ANKH: variants seen among roughly 807,000 people sequenced by gnomAD.
The protein encoded by ANKH is ANKH inorganic pyrophosphate transport regulator.
A neutral mutation model predicts 49.0 loss-of-function variants in ANKH; 15 were observed. The observed-to-expected ratio is 0.31, with a 90% CI of 0.20 to 0.47. ANKH has a LOEUF of 0.47. Among genes scored for constraint, ANKH ranks in the 20% least tolerant of loss-of-function variants. The pLI is 1.00. For synonymous variants in ANKH, 273 were observed against 260.0 expected, an observed-to-expected ratio of 1.05 and a Z score of -0.48; for missense variants, 429 against 652.0, an observed-to-expected ratio of 0.66 and a Z score of 3.72.
intron 1 of ANKH, among the ~76,000 whole-genome samples, chr5:14,804,235 G>C (rs953253568): frequency 3.3e-5 from 5 of 152,334 alleles, no homozygotes; most frequent in Admixed American, 3.3e-4. Context: ...CGGAGGCAGA[G>C]AGAATTTCAT....
At chr5:14,860,945 G>A (rs1735470449) in intron 1 of ANKH, among the ~76,000 whole-genome samples, 1 of 151,886 alleles carries the variant, frequency 6.6e-6, no homozygotes, top group Non-Finnish European at 1.5e-5. Flanking sequence ...ACCACACCCG[G>A]CTAATTTTTG....
intron 8 of ANKH, among the ~76,000 whole-genome samples, chr5:14,730,814 C>T (rs753741983): frequency 4.6e-5 from 7 of 152,172 alleles, no homozygotes; most frequent in African/African-American, 7.2e-5. Flanking sequence ...TTGCCAGCTG[C>T]GCCTTCCAAG....
chr5:14,816,395 AT>A (rs201436529), intron 1 of ANKH, among the ~76,000 whole-genome samples: 5 of 151,668 alleles, frequency 3.3e-5, no homozygotes, highest in African/African-American at 1.2e-4. Flanking sequence ...TGTGTGGATG[AT>A]TTTTTTTTCC....
intron 3 of ANKH, among the ~76,000 whole-genome samples, chr5:14,757,430 A>ATTTTTT (rs1243593041): frequency 1.8e-5 from 2 of 113,818 alleles, no homozygotes; most frequent in East Asian, 2.5e-4. Context: ...ATATATATAT[A>ATTTTTT]TTTTTTTTTT....
chr5:14,810,716 CCT>C (rs1199575075), intron 1 of ANKH, among the ~76,000 whole-genome samples: 1 of 152,102 alleles, frequency 6.6e-6, no homozygotes, highest in Non-Finnish European at 1.5e-5. Context: ...CCTTCTGTCC[CCT>C]GAGAAGCCAC....
At chr5:14,826,893 C>CT (rs765984210) in intron 1 of ANKH, among the ~76,000 whole-genome samples, 1 of 152,208 alleles carries the variant, frequency 6.6e-6, no homozygotes, top group Non-Finnish European at 1.5e-5. Context: ...CCACGTCCCT[C>CT]TGCAGTTAGG....
chr5:14,708,441 A>G lies in ANKH; in HGVS notation c.*2756T>C, dbSNP rs1015407862. 1.3e-5 allele frequency: 2 copies of G among 152,158 alleles called. No homozygotes were observed. The highest frequency in any genetic ancestry group is 4.8e-5 in the African/African-American group (2 of 41,424). The allele number at this position is 152,158 out of a possible 1,614,324, so 9.4% of individuals were successfully genotyped here. ...TGCAGCTGTCAGCTGAATGCCCTAC[A>G]ATGAAAAATAAATGTTTTGGGGGAA... On this transcript the variant is annotated 3_prime_UTR_variant, in exon 12 of 12. Coordinates refer to ENST00000284268, the MANE Select transcript of ANKH (RefSeq NM_054027.6).
intron 1 of ANKH, among the ~76,000 whole-genome samples, chr5:14,866,995 A>G (rs1243927568): frequency 6.6e-6 from 1 of 152,012 alleles, no homozygotes; most frequent in Non-Finnish European, 1.5e-5. Context: ...CGTCTCTACA[A>G]AATATACAAA....
chr5:14,797,188 C>A, intron 1 of ANKH: 2 of 1,336,052 alleles, frequency 1.5e-6, no homozygotes, highest in East Asian at 2.4e-5. Flanking sequence ...ATGTTCTCTG[C>A]CATTTGCCAC....
chr5:14,800,679 T>C (rs537955982), intron 1 of ANKH, among the ~76,000 whole-genome samples: 11 of 152,294 alleles, frequency 7.2e-5, no homozygotes, highest in Admixed American at 2.0e-4. Context: ...TCCTAATACA[T>C]TGCACACTTA....
At chr5:14,774,749 C>T (rs1739557526) in intron 1 of ANKH, among the ~76,000 whole-genome samples, 1 of 152,144 alleles carries the variant, frequency 6.6e-6, no homozygotes, top group Non-Finnish European at 1.5e-5. Context: ...CCTGACTGCC[C>T]TACCTGAATG....
At position 14,742,147 on chromosome 5, in the gene ANKH, A is replaced by T. The variant is rs189879805; in HGVS notation, c.916-225T>A. Among the ~76,000 whole-genome samples, 310 of 152,266 alleles carry T rather than the reference A, an allele frequency of 2.0e-3. 8 individuals are homozygous for T. The highest frequency in any genetic ancestry group is 0.02 in the Admixed American group (305 of 15,284). On this transcript the variant is annotated intron_variant, in intron 7 of 11. Transcript: ENST00000284268. ...GTGAATTCTCGACTCAATGCCCTGCAGCTCTTCCAACTCAGTCACCTCCCC... is the reference window on the plus strand; with the variant it reads ...GTGAATTCTCGACTCAATGCCCTGCTGCTCTTCCAACTCAGTCACCTCCCC...
intron 1 of ANKH, among the ~76,000 whole-genome samples, chr5:14,795,053 C>T (rs1740330816): frequency 6.6e-6 from 1 of 152,188 alleles, no homozygotes; most frequent in African/African-American, 2.4e-5. Flanking sequence ...CAAGTCTGGT[C>T]CAACGTGCAT....
chr5:14,721,660 G>T (rs558123434), intron 8 of ANKH, among the ~76,000 whole-genome samples: 11 of 152,162 alleles, frequency 7.2e-5, no homozygotes, highest in Admixed American at 1.3e-4. Flanking sequence ...AGCTGGGCGT[G>T]GTGGCTCATG....
At position 14,786,033 on chromosome 5, in the gene ANKH, G is replaced by C. The variant is rs1251170462; in HGVS notation, c.97-16842C>G. Among the ~76,000 whole-genome samples, 10 of 124,280 alleles carry C rather than the reference G, an allele frequency of 8.0e-5. No individual in the cohort carries two copies. In the East Asian group the frequency reaches 2.5e-3, roughly 31 times the overall value. 81.5% of individuals were successfully genotyped at this position (124,280 alleles called of 152,430 possible). ...TGTATTCTAGCCTGGGTGAGAAAGT[G>C]AGACTCTGTCTCAAAAAAAAAAAAA... On this transcript the variant is annotated intron_variant, in intron 1 of 11. Coordinates refer to ENST00000284268, the MANE Select transcript of ANKH (RefSeq NM_054027.6).
At chr5:14,746,085 G>A in intron 6 of ANKH, 123 bp from the exon 7 acceptor site, 1 of 771,566 alleles carries the variant, frequency 1.3e-6, no homozygotes, top group Admixed American at 2.0e-5. Context: ...GCTACACTGG[G>A]TGACAAACAT....
At chr5:14,716,900 AG>A in intron 8 of ANKH, 65 bp from the exon 9 acceptor site, 6 of 1,593,034 alleles carry the variant, frequency 3.8e-6, no homozygotes, top group Non-Finnish European at 5.1e-6. Flanking sequence ...TGAGCAGATC[AG>A]GTGTGGCACA....
chr5:14,758,062 G>A (rs775624100), intron 3 of ANKH, among the ~76,000 whole-genome samples: 1 of 152,218 alleles, frequency 6.6e-6, no homozygotes, highest in Non-Finnish European at 1.5e-5. Context: ...ACAAGATGTG[G>A]CCTAGACATT....
intron 8 of ANKH, among the ~76,000 whole-genome samples, chr5:14,721,802 C>T (rs935459957): frequency 7.2e-5 from 11 of 151,936 alleles, no homozygotes; most frequent in South Asian, 2.1e-4. Flanking sequence ...TGGTGGCAGG[C>T]GCCTGTAGTC....
Sources: gnomAD v4.1 joint callset for allele counts (sites outside exome capture counted in the v4.1 genomes callset) on GRCh38, gnomAD v4.1.1 for gene constraint, MANE v1.5 for transcripts, NCBI Gene and HGNC (gene_info 2026-07-23, HGNC 2026-07-21) for gene names.